The following NF1 variants were observed in gnomAD, a reference collection of about 807,000 sequenced individuals.
NF1 encodes neurofibromin.
A neutral mutation model predicts 325.7 loss-of-function variants in NF1; 122 were observed. That is an observed-to-expected ratio of 0.37 (90% CI 0.32 to 0.44). The LOEUF (loss-of-function observed/expected upper bound fraction) is 0.44. Among genes scored for constraint, NF1 ranks in the 20% least tolerant of loss-of-function variants. NF1 has a pLI of 1.00. For synonymous variants in NF1, 1,091 were observed against 1,186.0 expected, an observed-to-expected ratio of 0.92 and a Z score of 1.65; for missense variants, 2,140 against 3,415.4, an observed-to-expected ratio of 0.63 and a Z score of 9.31.
intron 54 of NF1, 40 bp downstream of exon 54, chr17:31,357,409 G>A (rs369105439): frequency 1.1e-5 from 17 of 1,497,358 alleles, no homozygotes; most frequent in African/African-American, 1.4e-5. Context: ...CTTCGTGCCT[G>A]TCTTTAAGTT....
At chr17:31,199,611 A>C (rs950978386) in intron 8 of NF1, among the ~76,000 whole-genome samples, 1 of 152,198 alleles carries the variant, frequency 6.6e-6, no homozygotes, top group African/African-American at 2.4e-5. Flanking sequence ...CCAAAGGAAG[A>C]CATTTGTTAA....
intron 1 of NF1, among the ~76,000 whole-genome samples, chr17:31,118,625 C>G (rs1431141095): frequency 6.6e-6 from 1 of 152,100 alleles, no homozygotes; most frequent in Non-Finnish European, 1.5e-5. Context: ...TGAACTCATC[C>G]TTTTTTATAG....
chr17:31,275,125 T>A (rs557519789), intron 36 of NF1, among the ~76,000 whole-genome samples: 1 of 152,282 alleles, frequency 6.6e-6, no homozygotes, highest in East Asian at 1.9e-4. Flanking sequence ...ATTATTCAGG[T>A]CTTCAAATAC....
At chr17:31,219,252 C>T in intron 14 of NF1, 134 bp downstream of exon 14, 3 of 893,032 alleles carry the variant, frequency 3.4e-6, no homozygotes, top group South Asian at 3.4e-5. Context: ...TATGTCTATA[C>T]ATTGTTTTAT....
intron 36 of NF1, among the ~76,000 whole-genome samples, chr17:31,270,559 G>A (rs2067874362): frequency 6.6e-6 from 1 of 151,542 alleles, no homozygotes; most frequent in African/African-American, 2.4e-5. Context: ...GCATTGAGCC[G>A]AGATCACACC....
chr17:31,123,943 A>G (rs1439089194), intron 1 of NF1, among the ~76,000 whole-genome samples: 1 of 151,924 alleles, frequency 6.6e-6, no homozygotes, highest in Non-Finnish European at 1.5e-5. Context: ...AGAAGGAGAG[A>G]GAATATTTTT....
At chr17:31,246,612 G>A (rs2084460485) in intron 29 of NF1, among the ~76,000 whole-genome samples, 1 of 152,178 alleles carries the variant, frequency 6.6e-6, no homozygotes, top group Non-Finnish European at 1.5e-5. Context: ...ACACACAACA[G>A]ATAAGTGGTG....
In NF1 at chr17:31,306,797, T is replaced by TA. The variant is rs200513481; in HGVS notation, c.4836-19007dup. 1.0e-3 allele frequency among the ~76,000 whole-genome samples: 142 copies of TA among 139,132 alleles called. No individual in the cohort carries two copies. The South Asian group carries it at 0.011, about 11-fold the overall frequency. The allele number at this position is 139,132 out of a possible 152,430, so 91.3% of individuals were successfully genotyped here. On this transcript the variant is annotated intron_variant, in intron 36 of 57. Coordinates refer to ENST00000358273, the MANE Select transcript of NF1 (RefSeq NM_001042492.3). ...GAGCTCTGTTCTAGGTTTAGGAGAT[T>TA]AAAAAAAAAAAAAAAAGATAGTCAC...
chr17:31,325,342 C>A (rs1422656108), intron 36 of NF1, among the ~76,000 whole-genome samples: 1 of 152,164 alleles, frequency 6.6e-6, no homozygotes, highest in Admixed American at 6.5e-5. Context: ...TCTCAAATCC[C>A]AACAATTTAA....
At position 31,295,014 on chromosome 17, in the gene NF1, C is replaced by A. The variant is rs372004919; in HGVS notation, c.4835+29675C>A. 3 of 1,614,006 alleles carry A rather than the reference C, an allele frequency of 1.9e-6. No homozygotes were observed. The African/African-American group carries it at 4.0e-5, about 22-fold the overall frequency. On this transcript the variant is annotated intron_variant, in intron 36 of 57. Coordinates refer to ENST00000358273, the MANE Select transcript of NF1 (RefSeq NM_001042492.3). ...GTTTCAGAAAATGCAGACCCTCAGACAGCCAGCATGACCACAACATTGAGC... is the reference window on the plus strand; with the variant it reads ...GTTTCAGAAAATGCAGACCCTCAGAAAGCCAGCATGACCACAACATTGAGC...
chr17:31,273,038 T>C (rs902314029), intron 36 of NF1, among the ~76,000 whole-genome samples: 1 of 151,910 alleles, frequency 6.6e-6, no homozygotes, highest in Non-Finnish European at 1.5e-5. Context: ...AGGAAAAAAA[T>C]AAAACTCTAG....
chr17:31,131,696 G>A (rs1192982676), intron 1 of NF1, among the ~76,000 whole-genome samples: 1 of 152,114 alleles, frequency 6.6e-6, no homozygotes, highest in Admixed American at 6.5e-5. Context: ...ATCAGTTGTT[G>A]GTGTAAACTT....
chr17:31,322,573 T>A (rs1040817324), intron 36 of NF1, among the ~76,000 whole-genome samples: 13 of 136,264 alleles, frequency 9.5e-5, no homozygotes, highest in African/African-American at 3.6e-4. Context: ...TAATCCCAGC[T>A]ACTAGGTAGG....
At chr17:31,157,790 T>C (rs2065690238) in intron 2 of NF1, among the ~76,000 whole-genome samples, 1 of 119,060 alleles carries the variant, frequency 8.4e-6, no homozygotes, top group South Asian at 2.8e-4. Context: ...AAACCCCGTC[T>C]CTACTAAAAA....
At chr17:31,356,816 C>A in intron 52 of NF1, 144 bp from the exon 53 acceptor site, 1 of 1,311,194 alleles carries the variant, frequency 7.6e-7, no homozygotes, top group Admixed American at 1.9e-5. Context: ...TTTGTGTAGG[C>A]GAATAGTAAT....
intron 36 of NF1, chr17:31,304,449 A>G (rs771856165): frequency 6.2e-7 from 1 of 1,614,172 alleles, no homozygotes. Context: ...TCTCAGATTT[A>G]TGATCTCCAC....
At chr17:31,252,917 G>C (rs1235211858) in intron 30 of NF1, 21 bp from the exon 31 acceptor site, 2 of 1,608,654 alleles carry the variant, frequency 1.2e-6, no homozygotes, top group South Asian at 1.1e-5. Context: ...TGACTTGTTT[G>C]TGCTCATCTC....
chr17:31,318,454 C>A (rs1488512459), intron 36 of NF1: 1 of 1,613,870 alleles, frequency 6.2e-7, no homozygotes, highest in African/African-American at 1.3e-5. Context: ...GGGCCATAGA[C>A]CGCTTGCCAG....
At chr17:31,104,723 G>T (rs1912691046) in intron 1 of NF1, among the ~76,000 whole-genome samples, 1 of 152,098 alleles carries the variant, frequency 6.6e-6, no homozygotes, top group African/African-American at 2.4e-5. Context: ...ATACTATGTG[G>T]TAGAGCCTTC....
Sources: allele counts gnomAD v4.1 joint callset (sites outside exome capture counted in the v4.1 genomes callset), GRCh38; gene constraint gnomAD v4.1.1; transcripts MANE v1.5; gene names NCBI Gene and HGNC (gene_info 2026-07-23, HGNC 2026-07-21).